CEP43: variants seen among roughly 807,000 people sequenced by gnomAD.
The protein encoded by CEP43 is FGFR1 oncogene partner.
Under a neutral mutation model 52.6 loss-of-function variants are expected in CEP43, and 36 were observed. The observed-to-expected ratio is 0.68, with a 90% CI of 0.52 to 0.90. The LOEUF (loss-of-function observed/expected upper bound fraction) is 0.90. CEP43 is among the 40% of genes least tolerant of loss of function. The pLI is 0.00. For missense variants in CEP43, 506 were observed against 472.8 expected (o/e 1.07, Z -0.65); for synonymous variants, 192 against 172.4 (o/e 1.11, Z -0.89).
rs981789161 is a variant in CEP43 at position 167,008,990 on chromosome 6, C to G, written c.439-1823C>G. Among the ~76,000 whole-genome samples, 122 of 152,152 alleles carry G rather than the reference C, an allele frequency of 8.0e-4. 9 individuals are homozygous for G. Among genetic ancestry groups the G allele is most frequent in the Non-Finnish European group, 7.3e-5 (5 of 68,028 alleles). Reference sequence around the variant, plus strand: ...GACATACAGGCTAGACATGGTGGCTCACACCTGTAATTCCAGCACTTTGGG... The same window carrying G: ...GACATACAGGCTAGACATGGTGGCTGACACCTGTAATTCCAGCACTTTGGG... On this transcript the variant is annotated intron_variant, in intron 5 of 12. Transcript: ENST00000366847.
In CEP43 at chr6:167,050,591, A is replaced by G. The variant is rs2114864575; in HGVS notation, c.*10613A>G. On this transcript the variant is annotated 3_prime_UTR_variant, in exon 13 of 13. Coordinates refer to ENST00000366847, the MANE Select transcript of CEP43 (RefSeq NM_007045.4). ...CAGGGGTTCGAGACCAGCGTGGCTA[A>G]CATGGAGAACTCCTGTCTCTACTAA... 6.6e-6 allele frequency: 1 copy of G among 152,284 alleles called. No individual in the cohort carries two copies. Among genetic ancestry groups the G allele is most frequent in the South Asian group, 2.1e-4 (1 of 4,824 alleles). 9.4% of individuals were successfully genotyped at this position (152,284 alleles called of 1,614,324 possible).
At chr6:167,006,035 A>G (rs1006184330) in intron 5 of CEP43, among the ~76,000 whole-genome samples, 1 of 152,202 alleles carries the variant, frequency 6.6e-6, no homozygotes, top group African/African-American at 2.4e-5. Context: ...GTGAGCCTGC[A>G]GTCACTCAGC....
intron 5 of CEP43, among the ~76,000 whole-genome samples, 160 bp from the exon 6 acceptor site, chr6:167,010,653 G>A (rs1779964195): frequency 6.6e-6 from 1 of 152,054 alleles, no homozygotes; most frequent in African/African-American, 2.4e-5. Context: ...TTTTGAGGGG[G>A]TAAAATTAGA....
intron 10 of CEP43, among the ~76,000 whole-genome samples, chr6:167,029,411 A>G (rs1780421152): frequency 6.6e-6 from 1 of 152,206 alleles, no homozygotes; most frequent in South Asian, 2.1e-4. Context: ...TTGGATTTTG[A>G]AATGTTTGCA....
intron 2 of CEP43, 28 bp from the exon 3 acceptor site, chr6:167,003,165 G>T: frequency 9.5e-7 from 1 of 1,053,386 alleles, no homozygotes; most frequent in South Asian, 1.5e-5. Context: ...GTAAACACAT[G>T]ACACTTAAAT....
chr6:167,031,751 T>C (rs946344728), intron 10 of CEP43, among the ~76,000 whole-genome samples: 2 of 152,234 alleles, frequency 1.3e-5, no homozygotes, highest in Admixed American at 1.3e-4. Flanking sequence ...TTGGCTCTCA[T>C]GTGCCTCCAA....
At chr6:167,018,538 G>T (rs1320679461) in intron 7 of CEP43, among the ~76,000 whole-genome samples, 1 of 151,936 alleles carries the variant, frequency 6.6e-6, no homozygotes, top group Non-Finnish European at 1.5e-5. Context: ...TTACAGGCAC[G>T]TGCCACCACA....
Position 167,044,524 on chromosome 6 carries a change from G to A in CEP43, c.*4546G>A. ...TCCTCAGGTTCAAGGAAACCTGGGT[G>A]TGCACCGGGTGAATGAGAGTGGCAG... On this transcript the variant is annotated 3_prime_UTR_variant, in exon 13 of 13. Transcript: ENST00000366847. 4 of 985,452 alleles carry A rather than the reference G, an allele frequency of 4.1e-6. No homozygotes were observed. Among genetic ancestry groups the A allele is most frequent in the Non-Finnish European group, 4.8e-6 (4 of 829,924 alleles). 61.0% of individuals were successfully genotyped at this position (985,452 alleles called of 1,614,324 possible).
intron 5 of CEP43, among the ~76,000 whole-genome samples, chr6:167,004,783 C>G (rs1026795316): frequency 6.6e-6 from 1 of 152,172 alleles, no homozygotes; most frequent in African/African-American, 2.4e-5. Context: ...AAGCACTCAA[C>G]TTGCTATTAT....
intron 9 of CEP43, chr6:167,025,148 T>G (rs532558468): frequency 3.6e-6 from 1 of 278,420 alleles, no homozygotes; most frequent in African/African-American, 2.2e-5. Flanking sequence ...GTTGACTTTT[T>G]AGCTGATTTT....
At position 167,044,257 on chromosome 6, in the gene CEP43, AAAAGAGGCTATATG is replaced by A; in HGVS notation, c.*4287_*4300del. On this transcript the variant is annotated 3_prime_UTR_variant, in exon 13 of 13. Coordinates refer to ENST00000366847, the MANE Select transcript of CEP43 (RefSeq NM_007045.4). ...GAGATTTGAGGTAACATTTGAATCT[AAAAGAGGCTATATG>A]AAAGAGGTTATAATAAAAATGATTT... 4.2e-6 allele frequency: 1 copy of A among 238,586 alleles called. No homozygotes were observed. The allele number at this position is 238,586 out of a possible 1,614,324, so 14.8% of individuals were successfully genotyped here. A position where few individuals can be genotyped will look rare whatever the true frequency, so the allele number is the denominator to read the frequency against.
Position 167,002,103 on chromosome 6 carries a change from T to C in CEP43, c.157-1090T>C, listed in dbSNP as rs1384516050. 2.0e-5 allele frequency among the ~76,000 whole-genome samples: 3 copies of C among 152,214 alleles called. No individual in the cohort carries two copies. The East Asian group carries it at 5.8e-4, about 29-fold the overall frequency. Reference sequence around the variant, plus strand: ...ACAATTTGATTTTTAATAGTTAATTTATGCAGCTGTGAAATGATCATCACA... The same window carrying C: ...ACAATTTGATTTTTAATAGTTAATTCATGCAGCTGTGAAATGATCATCACA... On this transcript the variant is annotated intron_variant, in intron 2 of 12. Coordinates refer to ENST00000366847, the MANE Select transcript of CEP43 (RefSeq NM_007045.4).
chr6:167,024,594 T>A (rs113280892), intron 8 of CEP43, among the ~76,000 whole-genome samples, 188 bp from the exon 9 acceptor site: 1 of 152,208 alleles, frequency 6.6e-6, no homozygotes, highest in African/African-American at 2.4e-5. Context: ...CTGTGCCGAT[T>A]GTGGTTGATC....
rs1467898191 is a variant in CEP43, at chr6:166,999,462, G to A, written c.50G>A (p.Arg17Gln). The change falls in exon 1 of 13, where the codon CGG becomes CAG. Residue 17 changes from arginine (R) to glutamine (Q), a missense_variant. Transcript: ENST00000366847. ...AVVAEEDTEL[R>Q]DLLVQTLENS... ...GTGGCCGAGGAGGACACGGAGCTGC[G>A]GGACCTGCTGGTGCAGACGCTGGAG... 2 of 1,484,356 alleles carry A rather than the reference G, an allele frequency of 1.3e-6. No individual in the cohort carries two copies. The highest frequency in any genetic ancestry group is 9.0e-7 in the Non-Finnish European group (1 of 1,115,292). 91.9% of individuals were successfully genotyped at this position (1,484,356 alleles called of 1,614,324 possible). A position where few individuals can be genotyped will look rare whatever the true frequency, so the allele number is the denominator to read the frequency against.
Position 167,040,978 on chromosome 6 carries a change from G to T in CEP43, c.*1000G>T. 1 of 1,024,888 alleles carries T rather than the reference G, an allele frequency of 9.8e-7. No individual in the cohort carries two copies. The highest frequency in any genetic ancestry group is 1.2e-6 in the Non-Finnish European group (1 of 852,788). 63.5% of individuals were successfully genotyped at this position (1,024,888 alleles called of 1,614,324 possible). On this transcript the variant is annotated 3_prime_UTR_variant, in exon 13 of 13. Coordinates refer to ENST00000366847, the MANE Select transcript of CEP43 (RefSeq NM_007045.4). ...GCATTATTGCTATTATGTAGGTCAC[G>T]GATGTTTATAATACTAAAGTATTTT...
intron 6 of CEP43, chr6:167,011,516 G>A (rs1182184001): frequency 6.6e-6 from 1 of 152,214 alleles, no homozygotes; most frequent in Non-Finnish European, 1.5e-5. Context: ...AGGATATGTA[G>A]GAATGGATAG....
At chr6:167,000,587 A>T (rs1032076542) in intron 2 of CEP43, among the ~76,000 whole-genome samples, 24 of 152,316 alleles carry the variant, frequency 1.6e-4, no homozygotes, top group Middle Eastern at 3.4e-3. Flanking sequence ...ACTTTTTCGG[A>T]GTCCCACCAA....
At chr6:167,019,562 A>G (rs1780179636) in intron 7 of CEP43, among the ~76,000 whole-genome samples, 1 of 152,198 alleles carries the variant, frequency 6.6e-6, no homozygotes. Context: ...GTGGTTTAGA[A>G]CTAGATTTTG....
rs142905329 is a variant in CEP43 at position 167,035,345 on chromosome 6, G to GTT, written c.1125+1375_1125+1376insTT. On this transcript the variant is annotated intron_variant, in intron 12 of 12. Coordinates refer to ENST00000366847, the MANE Select transcript of CEP43 (RefSeq NM_007045.4). ...CACAAAAGCATTTGTATTCTTTGCAGTAAGAATACAGCAGACAATCTGGTC... is the reference window on the plus strand; with the variant it reads ...CACAAAAGCATTTGTATTCTTTGCAGTTTAAGAATACAGCAGACAATCTGGTC... Among the ~76,000 whole-genome samples, 708 of 152,280 alleles carry GTT rather than the reference G, an allele frequency of 4.6e-3. 8 individuals carry two copies. The highest frequency in any genetic ancestry group is 0.016 in the African/African-American group (676 of 41,556).
Sources: allele counts gnomAD v4.1 joint callset (sites outside exome capture counted in the v4.1 genomes callset), GRCh38; gene constraint gnomAD v4.1.1; transcripts MANE v1.5; gene names NCBI Gene and HGNC (gene_info 2026-07-23, HGNC 2026-07-21).